The following PAPLN variants were observed in gnomAD, a reference collection of about 807,000 sequenced individuals.
The protein encoded by PAPLN is papilin.
Under a neutral mutation model 159.0 loss-of-function variants are expected in PAPLN, and 146 were observed. The observed-to-expected ratio is 0.92, with a 90% CI of 0.80 to 1.05. The LOEUF (loss-of-function observed/expected upper bound fraction) is 1.05. Ranked by LOEUF, PAPLN falls within the 50% of genes least tolerant of loss-of-function variation. The pLI is 0.00. For missense variants in PAPLN, 1,720 were observed against 1,743.9 expected (o/e 0.99, Z 0.24); for synonymous variants, 734 against 702.9 (o/e 1.04, Z -0.70).
In PAPLN at chr14:73,250,572, C is replaced by T. The variant is rs533252940; in HGVS notation, c.466-335C>T. Among the ~76,000 whole-genome samples the T allele has an allele frequency of 8.5e-5, 13 of 152,274 alleles. No homozygotes were observed. In the East Asian group the frequency reaches 2.5e-3, roughly 29 times the overall value. On this transcript the variant is annotated intron_variant, in intron 6 of 26. Transcript: ENST00000644200. ...GCCTCATTCCCAGGAGTTCTAGCCA[C>T]CGGGGGTTGTCTCTGATTCGTCTTG... is the stretch of plus-strand genomic sequence containing the variant.
At chr14:73,267,432 A>G (rs1020902160) in intron 25 of PAPLN, among the ~76,000 whole-genome samples, 1 of 152,210 alleles carries the variant, frequency 6.6e-6, no homozygotes, top group Non-Finnish European at 1.5e-5. Context: ...TCCCGGGCAG[A>G]TGGCCCAGTG....
chr14:73,260,012 C>G (rs537253335), intron 16 of PAPLN, among the ~76,000 whole-genome samples: 1 of 152,280 alleles, frequency 6.6e-6, no homozygotes, highest in East Asian at 1.9e-4. Context: ...TATGGCCTGC[C>G]CTGAACGCAT....
chr14:73,256,532 C>CAAAAAAAA (rs57667060), intron 14 of PAPLN, among the ~76,000 whole-genome samples: 5 of 92,706 alleles, frequency 5.4e-5, no homozygotes, highest in Admixed American at 1.2e-4. Flanking sequence ...GACTCTGTCT[C>CAAAAAAAA]AAAAAAAAAA....
rs1174728980 is a variant in PAPLN at position 73,265,004 on chromosome 14, T to TCTTGAGCTGGC, written c.3125+285_3125+295dup. 6.6e-6 allele frequency among the ~76,000 whole-genome samples: 1 copy of TCTTGAGCTGGC among 152,082 alleles called. No individual in the cohort carries two copies. The stretch of plus-strand genomic sequence containing the variant: ...CCTGAGCCGGCTTCTTTGAGGAGCG[T>TCTTGAGCTGGC]CTTGAGCTGGCCTTGAGGAATGGTT... On this transcript the variant is annotated intron_variant, in intron 22 of 26. Coordinates refer to ENST00000644200, the MANE Select transcript of PAPLN (RefSeq NM_001365906.3). This position sits in a 1 kb window ranked among gnomAD's most constrained non-coding sequence, Gnocchi z 4.1.
intron 5 of PAPLN, among the ~76,000 whole-genome samples, chr14:73,247,390 C>T (rs1368729828): frequency 8.5e-5 from 13 of 152,204 alleles, no homozygotes; most frequent in Non-Finnish European, 1.5e-4. Context: ...TCCCTGCTTG[C>T]GGCAAATGAC....
intron 26 of PAPLN, 155 bp from the exon 27 acceptor site, chr14:73,272,340 T>TA (rs1887811306): frequency 1.6e-6 from 1 of 623,920 alleles, no homozygotes. Flanking sequence ...ATAGAGTTTG[T>TA]ACGTATGGTT....
chr14:73,272,792 A>C lies in PAPLN; in HGVS notation c.*128A>C. On this transcript the variant is annotated 3_prime_UTR_variant, in exon 27 of 27. Transcript: ENST00000644200. ...TCTTCTGGAATACATTAGCTCTTTCAAAAACCCACCCAGTGTTTAGCCTCA... is the reference window on the plus strand; with the variant it reads ...TCTTCTGGAATACATTAGCTCTTTCCAAAACCCACCCAGTGTTTAGCCTCA... The C allele has an allele frequency of 2.8e-6, 3 of 1,055,718 alleles. No individual in the cohort carries two copies. The highest frequency in any genetic ancestry group is 3.8e-6 in the Non-Finnish European group (3 of 792,274). 65.4% of individuals were successfully genotyped at this position (1,055,718 alleles called of 1,614,324 possible). A position where few individuals can be genotyped will look rare whatever the true frequency, so the allele number is the denominator to read the frequency against.
At position 73,272,482 on chromosome 14, in the gene PAPLN, T is replaced by G; in HGVS notation, c.3668-13T>G. Reference sequence around the variant, plus strand: ...CTTCCTCACCACCTTCTCTCTCCCCTGTCGTTCTGCAGCACCCACCGCCCA... The same window carrying G: ...CTTCCTCACCACCTTCTCTCTCCCCGGTCGTTCTGCAGCACCCACCGCCCA... On this transcript the variant is annotated splice_polypyrimidine_tract_variant and intron_variant, in intron 26 of 26. Coordinates refer to ENST00000644200, the MANE Select transcript of PAPLN (RefSeq NM_001365906.3). 4.0e-6 allele frequency: 6 copies of G among 1,504,360 alleles called. No homozygotes were observed. The highest frequency in any genetic ancestry group is 5.4e-6 in the Non-Finnish European group (6 of 1,115,212). 93.2% of individuals were successfully genotyped at this position (1,504,360 alleles called of 1,614,324 possible).
rs61367540 is a variant in PAPLN at position 73,256,898 on chromosome 14, TAA to T, written c.1627+1890_1627+1891del. Among the ~76,000 whole-genome samples, 17 of 150,878 alleles carry T rather than the reference TAA, an allele frequency of 1.1e-4. No homozygotes were observed. In the East Asian group the frequency reaches 1.9e-3, roughly 17 times the overall value. On this transcript the variant is annotated intron_variant, in intron 14 of 26. Transcript: ENST00000644200. ...GATTCTATCTCAAAAATAAAAAGAT[TAA>T]AAAAAAAAATAATAAAATAAGTAAA...
chr14:73,241,540 T>C (rs184061053), intron 2 of PAPLN, among the ~76,000 whole-genome samples: 30 of 152,326 alleles, frequency 2.0e-4, no homozygotes, highest in African/African-American at 7.0e-4. Context: ...TTTTCTCCCT[T>C]AAGGCCACGC....
intron 14 of PAPLN, among the ~76,000 whole-genome samples, chr14:73,257,774 T>TTTTTTTTTTTTTTTTTG (rs1886095542): frequency 9.3e-6 from 1 of 107,290 alleles, no homozygotes. Context: ...TTTTTTTTTT[T>TTTTTTTTTTTTTTTTTG]TTTTTTTGAG....
chr14:73,239,495 C>T (rs1232737043), intron 1 of PAPLN: 1 of 451,102 alleles, frequency 2.2e-6, no homozygotes, highest in South Asian at 4.3e-5. Context: ...TTTTTAATTG[C>T]TCTCTCTTTT....
chr14:73,274,074 G>A lies in PAPLN; in HGVS notation c.*1410G>A, dbSNP rs545831271. On this transcript the variant is annotated 3_prime_UTR_variant, in exon 27 of 27. Coordinates refer to ENST00000644200, the MANE Select transcript of PAPLN (RefSeq NM_001365906.3). ...GAGGAGCCCCTCTCTTCCTTAAGTA[G>A]GAATCTGTGAAGCAAAATGTTTGCT... 6.6e-6 allele frequency: 1 copy of A among 152,312 alleles called. No homozygotes were observed. The highest frequency in any genetic ancestry group is 2.4e-5 in the African/African-American group (1 of 41,554). The allele number at this position is 152,312 out of a possible 1,614,324, so 9.4% of individuals were successfully genotyped here.
chr14:73,259,579 G>A (rs572674224), intron 16 of PAPLN, 34 bp downstream of exon 16: 28 of 1,468,264 alleles, frequency 1.9e-5, no homozygotes, highest in East Asian at 1.8e-4. Context: ...CTCCTCCCCC[G>A]TCAAAGAGGG....
intron 20 of PAPLN, chr14:73,263,986 C>T (rs1566704176): frequency 1.5e-5 from 20 of 1,365,226 alleles, no homozygotes; most frequent in Admixed American, 2.2e-5. Flanking sequence ...GTGTGTGTGA[C>T]AGCCCCCCGA....
chr14:73,259,283 T>C lies in PAPLN; in HGVS notation c.1723T>C (p.Trp575Arg). The C allele has an allele frequency of 1.3e-6, 2 of 1,565,608 alleles. No individual in the cohort carries two copies. Among genetic ancestry groups the C allele is most frequent in the Non-Finnish European group, 1.7e-6 (2 of 1,153,620 alleles). ...CTTCTTTCTAGACTCCAGAGGCCAG[T>C]GGTGGGCAGCCCAGGAACACCCCTC... Reference protein sequence around the residue: ...ESPASDSRGQWWAAQEHPSAR... With the variant: ...ESPASDSRGQRWAAQEHPSAR... Residue 575 changes from tryptophan to arginine, a missense_variant, in exon 16 of 27, where the codon TGG becomes CGG. Coordinates refer to ENST00000644200, the MANE Select transcript of PAPLN (RefSeq NM_001365906.3).
chr14:73,244,013 C>CA (rs1356577934), intron 2 of PAPLN: 1 of 152,682 alleles, frequency 6.5e-6, no homozygotes, highest in East Asian at 1.9e-4. Context: ...AAGGCTCACG[C>CA]AGGCTCTCTC....
In PAPLN at chr14:73,251,817, C is replaced by G; in HGVS notation, c.824C>G (p.Ser275Trp). The change falls in exon 9 of 27, where the codon TCG (serine) becomes TGG (tryptophan). Residue 275 changes from serine to tryptophan, a missense_variant. Transcript: ENST00000644200. ...CGACTCCATGCCCGGGGCCCCACCTCGGAGCCCCTGGTCATCGAGGTAAAT... is the reference window on the plus strand; with the variant it reads ...CGACTCCATGCCCGGGGCCCCACCTGGGAGCCCCTGGTCATCGAGGTAAAT... Reference protein sequence around the residue: ...PERLHARGPTSEPLVIELISQ... With the variant: ...PERLHARGPTWEPLVIELISQ... 2 of 1,597,062 alleles carry G rather than the reference C, an allele frequency of 1.3e-6. No individual in the cohort carries two copies. The highest frequency in any genetic ancestry group is 1.7e-6 in the Non-Finnish European group (2 of 1,174,536).
rs1221714759 is a variant in PAPLN, at chr14:73,264,236, C to T, written c.2887C>T (p.Leu963=). ...GCACAGGCTGCAGTTCGACGGATCC[C>T]TGATCATCCACCCCCTGCAGGCAGA... ...DRHRLQFDGS[L]IIHPLQAEDA... The change falls in exon 21 of 27, where the codon CTG becomes TTG. Residue 963 remains leucine, a synonymous_variant. Transcript: ENST00000644200. 1 of 1,613,954 alleles carries T rather than the reference C, an allele frequency of 6.2e-7. No individual in the cohort carries two copies. The highest frequency in any genetic ancestry group is 8.5e-7 in the Non-Finnish European group (1 of 1,180,000).
Sources: allele counts gnomAD v4.1 joint callset (sites outside exome capture counted in the v4.1 genomes callset), GRCh38; gene constraint gnomAD v4.1.1; non-coding constraint Gnocchi (gnomAD v3.1); transcripts MANE v1.5; gene names NCBI Gene and HGNC (gene_info 2026-07-23, HGNC 2026-07-21).